Variants in MYOZ2 observed in about 807,000 individuals in gnomAD.
The protein encoded by MYOZ2 is myozenin 2, also known as myozenin-2.
Under a neutral mutation model 25.4 loss-of-function variants are expected in MYOZ2, and 19 were observed. The ratio of observed to expected loss-of-function variants is 0.75; its 90% CI spans 0.52 to 1.10. MYOZ2 has a LOEUF of 1.10. MYOZ2 is among the 50% of genes least tolerant of loss of function. The pLI is 0.00. For missense variants in MYOZ2, 270 were observed against 317.9 expected (o/e 0.85, Z 1.15); for synonymous variants, 92 against 106.9 (o/e 0.86, Z 0.86).
rs1741772337 is a variant in MYOZ2, at chr4:119,164,245, A to G, written c.411A>G (p.Glu137=). The change falls in exon 5 of 6, where the codon GAA becomes GAG. Residue 137 remains glutamate, a synonymous_variant. Coordinates refer to ENST00000307128, the MANE Select transcript of MYOZ2 (RefSeq NM_016599.5). ...YSGPLKEIPP[E]KFNTTAVPKY... Reference sequence around the variant, plus strand: ...GACCACTGAAGGAAATTCCTCCTGAAAAATTCAACACCACAGCTGTCCCTA... The same window carrying G: ...GACCACTGAAGGAAATTCCTCCTGAGAAATTCAACACCACAGCTGTCCCTA... 1.9e-6 allele frequency: 3 copies of G among 1,614,054 alleles called. No homozygotes were observed. Among genetic ancestry groups the G allele is most frequent in the African/African-American group, 2.7e-5 (2 of 75,048 alleles).
chr4:119,155,398 A>G (rs188332786), intron 3 of MYOZ2, among the ~76,000 whole-genome samples: 65 of 152,308 alleles, frequency 4.3e-4, no homozygotes, highest in African/African-American at 1.5e-3. Context: ...ATAAAGAAAG[A>G]GCACGAGAAG....
intron 2 of MYOZ2, among the ~76,000 whole-genome samples, chr4:119,142,906 C>T (rs1042446771): frequency 6.6e-6 from 1 of 152,102 alleles, no homozygotes; most frequent in African/African-American, 2.4e-5. Flanking sequence ...AACTGTTGCA[C>T]TCCATTTTGT....
chr4:119,151,730 T>G (rs1741454139), intron 3 of MYOZ2, among the ~76,000 whole-genome samples: 1 of 152,126 alleles, frequency 6.6e-6, no homozygotes, highest in South Asian at 2.1e-4. Context: ...GCTTTAAAAT[T>G]CAAATGGCTG....
intron 2 of MYOZ2, among the ~76,000 whole-genome samples, chr4:119,147,647 G>A (rs1461256962): frequency 6.6e-6 from 1 of 151,354 alleles, no homozygotes; most frequent in Non-Finnish European, 1.5e-5. Flanking sequence ...GGGAGGCTGA[G>A]GCAGGAGAAT....
intron 2 of MYOZ2, among the ~76,000 whole-genome samples, chr4:119,138,887 G>T (rs550675011): frequency 6.6e-6 from 1 of 152,048 alleles, no homozygotes; most frequent in Non-Finnish European, 1.5e-5. Flanking sequence ...GATTGCAGCC[G>T]GTGAGTCTTT....
chr4:119,158,203 T>C, intron 4 of MYOZ2, 52 bp downstream of exon 4: 1 of 1,593,976 alleles, frequency 6.3e-7, no homozygotes, highest in Non-Finnish European at 8.6e-7. Flanking sequence ...TACCTAATGA[T>C]ATGACTCAAG....
rs1485656188 is a variant in MYOZ2, at chr4:119,187,031, A to C, written c.*831A>C. ...TAAATACATTCATGTTTGTGAGAGA[A>C]GGAAAGAGTAAGTAATTTGAATTGG... On this transcript the variant is annotated 3_prime_UTR_variant, in exon 6 of 6. Transcript: ENST00000307128. 1 of 152,194 alleles carries C rather than the reference A, an allele frequency of 6.6e-6. No homozygotes were observed. The highest frequency in any genetic ancestry group is 1.5e-5 in the Non-Finnish European group (1 of 68,014). The allele number at this position is 152,194 out of a possible 1,614,324, so 9.4% of individuals were successfully genotyped here.
At chr4:119,143,321 G>C (rs749821975) in intron 2 of MYOZ2, among the ~76,000 whole-genome samples, 1 of 151,594 alleles carries the variant, frequency 6.6e-6, no homozygotes, top group South Asian at 2.1e-4. Context: ...TCAGCCTCCC[G>C]AGTAGCTGGG....
intron 2 of MYOZ2, among the ~76,000 whole-genome samples, chr4:119,148,884 A>G (rs950074348): frequency 6.6e-6 from 1 of 151,220 alleles, no homozygotes; most frequent in African/African-American, 2.4e-5. Context: ...GATAGTTTTA[A>G]TATCTCAGTC....
chr4:119,162,843 T>G (rs1299245201), intron 4 of MYOZ2, among the ~76,000 whole-genome samples: 1 of 152,132 alleles, frequency 6.6e-6, no homozygotes, highest in Non-Finnish European at 1.5e-5. Context: ...AGTGATAACA[T>G]TTGCTAAAAT....
intron 5 of MYOZ2, among the ~76,000 whole-genome samples, chr4:119,174,723 C>T (rs1399772389): frequency 6.6e-6 from 1 of 152,110 alleles, no homozygotes; most frequent in African/African-American, 2.4e-5. Flanking sequence ...AAGCAGGCTG[C>T]CCAAGCCAGC....
chr4:119,138,837 C>T (rs963673736), intron 2 of MYOZ2, among the ~76,000 whole-genome samples: 2 of 152,088 alleles, frequency 1.3e-5, no homozygotes, highest in Non-Finnish European at 2.9e-5. Flanking sequence ...GTCCTCTTAA[C>T]ATGAGGTGGA....
intron 5 of MYOZ2, among the ~76,000 whole-genome samples, chr4:119,168,085 G>C (rs145284393): frequency 0.05 from 7,570 of 152,240 alleles, 280 homozygotes; most frequent in African/African-American, 0.1. Context: ...CCATTCTCCT[G>C]CCTCAGCCTC....
At chr4:119,138,959 T>G (rs532900620) in intron 2 of MYOZ2, among the ~76,000 whole-genome samples, 1 of 152,276 alleles carries the variant, frequency 6.6e-6, no homozygotes, top group South Asian at 2.1e-4. Context: ...AGAGCCCTCA[T>G]TCCATCAGGA....
intron 5 of MYOZ2, among the ~76,000 whole-genome samples, chr4:119,165,717 G>A (rs1192148531): frequency 1.3e-5 from 2 of 149,410 alleles, no homozygotes; most frequent in Non-Finnish European, 3.0e-5. Flanking sequence ...TGAGAGTGTA[G>A]AAAATTATAA....
intron 2 of MYOZ2, among the ~76,000 whole-genome samples, chr4:119,147,734 ACT>A (rs1741334936): frequency 9.5e-6 from 1 of 105,030 alleles, no homozygotes; most frequent in East Asian, 3.3e-4. Flanking sequence ...ACAGAGTAAG[ACT>A]CTGTCTCAAA....
chr4:119,182,969 T>A (rs1191585890), intron 5 of MYOZ2, among the ~76,000 whole-genome samples: 1 of 152,214 alleles, frequency 6.6e-6, no homozygotes, highest in Non-Finnish European at 1.5e-5. Flanking sequence ...TACATATTTA[T>A]GTTTTAATTA....
intron 5 of MYOZ2, among the ~76,000 whole-genome samples, chr4:119,175,917 A>C (rs1385961331): frequency 6.6e-6 from 1 of 152,124 alleles, no homozygotes; most frequent in Non-Finnish European, 1.5e-5. Context: ...TTCATTTTGC[A>C]CTGGGTTCTA....
At chr4:119,159,761 C>A (rs1260044030) in intron 4 of MYOZ2, among the ~76,000 whole-genome samples, 1 of 151,870 alleles carries the variant, frequency 6.6e-6, no homozygotes, top group East Asian at 1.9e-4. Flanking sequence ...AGGTACAGCA[C>A]CTGTACAACA....
Sources: allele counts gnomAD v4.1 joint callset (sites outside exome capture counted in the v4.1 genomes callset), GRCh38; gene constraint gnomAD v4.1.1; transcripts MANE v1.5; gene names NCBI Gene and HGNC (gene_info 2026-07-23, HGNC 2026-07-21).